Variants in SCAF4 observed in about 807,000 individuals in gnomAD.
The protein encoded by SCAF4 is SR-related and CTD-associated factor 4.
SCAF4 carries 25 observed loss-of-function variants against 129.8 expected under a neutral mutation model. The ratio of observed to expected loss-of-function variants is 0.19; its 90% CI spans 0.14 to 0.27. The LOEUF is 0.27. Among genes scored for constraint, SCAF4 ranks in the 10% least tolerant of loss-of-function variants. The pLI, the probability that SCAF4 is intolerant of heterozygous loss-of-function variation, is 1.00. For missense variants in SCAF4, 1,246 were observed against 1,457.1 expected, an observed-to-expected ratio of 0.86 and a Z score of 2.36; for synonymous variants, 551 against 497.7, an observed-to-expected ratio of 1.11 and a Z score of -1.43.
chr21:31,702,876 AT>A (rs573877934), intron 4 of SCAF4, among the ~76,000 whole-genome samples: 1 of 152,080 alleles, frequency 6.6e-6, no homozygotes, highest in African/African-American at 2.4e-5. Flanking sequence ...TTTTGGGTGT[AT>A]TTTTCCCACA....
chr21:31,678,324 C>T lies in SCAF4; in HGVS notation c.2489-5970G>A, dbSNP rs1050357763. Among the ~76,000 whole-genome samples, 4 of 152,104 alleles carry T rather than the reference C, an allele frequency of 2.6e-5. No homozygotes were observed. The East Asian group carries it at 5.8e-4, about 22-fold the overall frequency. On this transcript the variant is annotated intron_variant, in intron 19 of 19. Transcript: ENST00000286835. The stretch of plus-strand genomic sequence containing the variant: ...TCATTCTTGACTCTTTTTCGCATTC[C>T]GTATTTAAGTAATATGGCAATTCTG...
At chr21:31,725,889 C>G (rs7283325) in intron 1 of SCAF4, among the ~76,000 whole-genome samples, 3,522 of 152,116 alleles carry the variant, frequency 0.023, 122 homozygotes, top group African/African-American at 0.08. Flanking sequence ...CGTTACTTTT[C>G]ATTAAAAATG....
intron 16 of SCAF4, 53 bp from the exon 17 acceptor site, chr21:31,685,786 C>T: frequency 6.8e-7 from 1 of 1,473,684 alleles, no homozygotes; most frequent in Non-Finnish European, 9.1e-7. Flanking sequence ...CTCCCATCCA[C>T]ACAGTAAGCA....
At chr21:31,689,054 A>G (rs2050195619) in intron 15 of SCAF4, among the ~76,000 whole-genome samples, 1 of 152,134 alleles carries the variant, frequency 6.6e-6, no homozygotes, top group African/African-American at 2.4e-5. Flanking sequence ...GCTTTTCAAT[A>G]CATTCTCCAC....
chr21:31,730,801 G>C (rs2051332372), intron 1 of SCAF4, among the ~76,000 whole-genome samples: 2 of 152,198 alleles, frequency 1.3e-5, no homozygotes, highest in South Asian at 2.1e-4. Context: ...GAAACAACTA[G>C]AGAACTTTAA....
chr21:31,695,095 G>A (rs886879210), intron 9 of SCAF4, 115 bp from the exon 10 acceptor site: 27 of 788,738 alleles, frequency 3.4e-5, no homozygotes, highest in African/African-American at 8.8e-5. Context: ...AAGTTACAAC[G>A]ACATTCAACA....
intron 1 of SCAF4, among the ~76,000 whole-genome samples, chr21:31,717,892 TATACACATATATACACAC>T (rs1601263082): frequency 9.2e-6 from 1 of 108,520 alleles, no homozygotes; most frequent in African/African-American, 4.0e-5. Context: ...TATACACATA[TATACACATATATACACAC>T]ACACACACAC....
chr21:31,696,160 A>G lies in SCAF4; in HGVS notation c.1021T>C (p.Phe341Leu), dbSNP rs117061499. The change falls in exon 9 of 20, where the codon TTT becomes CTT. Residue 341 changes from phenylalanine to leucine, a missense_variant. Coordinates refer to ENST00000286835, the MANE Select transcript of SCAF4 (RefSeq NM_020706.2). Reference protein sequence around the residue: ...AYTQHQNMDQFQPRMMGIQQD... With the variant: ...AYTQHQNMDQLQPRMMGIQQD... Reference sequence around the variant, plus strand: ...TGTATTCCCATCATTCGTGGCTGAAACTGATCCATATTTTGATGCTGTGTG... The same window carrying G: ...TGTATTCCCATCATTCGTGGCTGAAGCTGATCCATATTTTGATGCTGTGTG... The G allele has an allele frequency of 3.3e-3, 5,306 of 1,613,900 alleles. 6 individuals carry two copies. Among genetic ancestry groups the G allele is most frequent in the Non-Finnish European group, 3.7e-3 (4,393 of 1,179,920 alleles).
At position 31,692,463 on chromosome 21, in the gene SCAF4, T is replaced by A; in HGVS notation, c.1514-14A>T. On this transcript the variant is annotated splice_polypyrimidine_tract_variant and intron_variant, in intron 12 of 19. Coordinates refer to ENST00000286835, the MANE Select transcript of SCAF4 (RefSeq NM_020706.2). ...TAGTACTGCAAACTTAAAATAAAAT[T>A]ACAATCATAAAGAGATTCACATTTG... 1.3e-6 allele frequency: 2 copies of A among 1,568,906 alleles called. No homozygotes were observed. The highest frequency in any genetic ancestry group is 2.7e-5 in the African/African-American group (2 of 74,044).
At chr21:31,695,338 T>C (rs1216273281) in intron 9 of SCAF4, among the ~76,000 whole-genome samples, 2 of 152,136 alleles carry the variant, frequency 1.3e-5, no homozygotes, top group Non-Finnish European at 2.9e-5. Flanking sequence ...TTAAGCCTTT[T>C]GGGAGGAAAA....
intron 8 of SCAF4, 114 bp downstream of exon 8, chr21:31,696,455 A>T (rs556706322): frequency 3.5e-6 from 4 of 1,151,126 alleles, no homozygotes; most frequent in Non-Finnish European, 4.7e-6. Context: ...TAATACCACA[A>T]ATTTTACAAA....
In SCAF4 at chr21:31,672,223, G is replaced by A. The variant is rs995438944; in HGVS notation, c.2620C>T (p.Pro874Ser). ...GMPPPHLQRF[P>S]LMPPRPMPPH... is the part of the protein sequence containing the mutation. ...GGCATGGGACGGGGCGGCATCAAAG[G>A]GAACCGCTGTAAGTGAGGTGGGGGC... The change falls in exon 20 of 20, where the codon CCT becomes TCT. Residue 874 changes from proline to serine, a missense_variant. Pro to Ser is a moderately conservative substitution (Grantham distance 74). Transcript: ENST00000286835. 1 of 1,610,622 alleles carries A rather than the reference G, an allele frequency of 6.2e-7. No individual in the cohort carries two copies. Among genetic ancestry groups the A allele is most frequent in the African/African-American group, 1.3e-5 (1 of 74,752 alleles).
chr21:31,697,534 C>G (rs561844196), intron 7 of SCAF4, among the ~76,000 whole-genome samples: 1 of 152,272 alleles, frequency 6.6e-6, no homozygotes, highest in East Asian at 1.9e-4. Flanking sequence ...TAAGATTGCA[C>G]AGTCAGTGAA....
chr21:31,701,530 G>A (rs1601230380), intron 6 of SCAF4, among the ~76,000 whole-genome samples: 1 of 152,290 alleles, frequency 6.6e-6, no homozygotes, highest in South Asian at 2.1e-4. Context: ...TGAGCAACAT[G>A]AGCCACTTAG....
Position 31,699,469 on chromosome 21 carries a change from TCTTTC to T in SCAF4, c.777+1521_777+1525del, listed in dbSNP as rs938196083. Among the ~76,000 whole-genome samples the T allele has an allele frequency of 3.4e-4, 52 of 151,886 alleles. No homozygotes were observed. In the South Asian group the frequency reaches 3.7e-3, roughly 11 times the overall value. ...ATCTGTTCAAACTGCAGTGTGGAAT[TCTTTC>T]CTTATTTTATAACTTTCTGTATTAT... On this transcript the variant is annotated intron_variant, in intron 7 of 19. Coordinates refer to ENST00000286835, the MANE Select transcript of SCAF4 (RefSeq NM_020706.2).
intron 19 of SCAF4, 124 bp from the exon 20 acceptor site, chr21:31,672,478 C>T: frequency 2.5e-6 from 2 of 793,864 alleles, no homozygotes; most frequent in Non-Finnish European, 4.1e-6. Context: ...CATAGTTTGC[C>T]ACTCTGTCAC....
chr21:31,723,000 T>C (rs746479356), intron 1 of SCAF4, among the ~76,000 whole-genome samples: 1 of 152,124 alleles, frequency 6.6e-6, no homozygotes, highest in Non-Finnish European at 1.5e-5. Context: ...ATGGATAGTA[T>C]TGTGATTTCT....
rs144390315 is a variant in SCAF4, at chr21:31,681,328, C to A, written c.2488+3721G>T. Reference sequence around the variant, plus strand: ...TGCTTGAAAAGATATTTTGGATATACTGGTAACACAGTACAGATAGGTAAC... The same window carrying A: ...TGCTTGAAAAGATATTTTGGATATAATGGTAACACAGTACAGATAGGTAAC... On this transcript the variant is annotated intron_variant, in intron 19 of 19. Transcript: ENST00000286835. 1.4e-4 allele frequency among the ~76,000 whole-genome samples: 22 copies of A among 152,322 alleles called. No individual in the cohort carries two copies. The East Asian group carries it at 3.5e-3, about 24-fold the overall frequency.
At chr21:31,721,779 T>G (rs1393734206) in intron 1 of SCAF4, among the ~76,000 whole-genome samples, 1 of 144,570 alleles carries the variant, frequency 6.9e-6, no homozygotes, top group Non-Finnish European at 1.5e-5. Flanking sequence ...CGGGCTGGAG[T>G]GCACAGGCAC....
Sources: allele counts gnomAD v4.1 joint callset (sites outside exome capture counted in the v4.1 genomes callset), GRCh38; gene constraint gnomAD v4.1.1; transcripts MANE v1.5; gene names NCBI Gene and HGNC (gene_info 2026-07-23, HGNC 2026-07-21).